Variants in NBAS observed in about 807,000 individuals in gnomAD.
The protein encoded by NBAS is NAG/BC035112 fusion.
Under a neutral mutation model 302.5 loss-of-function variants are expected in NBAS, and 219 were observed. The observed-to-expected ratio is 0.72, with a 90% CI of 0.65 to 0.81. The LOEUF is 0.81. Among genes scored for constraint, NBAS ranks in the 30% least tolerant of loss-of-function variants. NBAS has a pLI of 0.00. For missense variants in NBAS, 2,932 were observed against 2,841.6 expected, an observed-to-expected ratio of 1.03 and a Z score of -0.72; for synonymous variants, 1,118 against 1,021.6, an observed-to-expected ratio of 1.09 and a Z score of -1.80.
At chr2:15,237,519 T>C (rs1006622774) in intron 45 of NBAS, among the ~76,000 whole-genome samples, 11 of 151,872 alleles carry the variant, frequency 7.2e-5, no homozygotes, top group African/African-American at 2.7e-4. Flanking sequence ...AGGCTATTTC[T>C]GATTTTTTTT....
At chr2:15,228,478 C>T (rs986617715) in intron 47 of NBAS, among the ~76,000 whole-genome samples, 8 of 152,166 alleles carry the variant, frequency 5.3e-5, no homozygotes, top group East Asian at 3.8e-4. Flanking sequence ...GCAGCAATCC[C>T]GTTACTGAGT....
the NBAS span, among the ~76,000 whole-genome samples, chr2:15,042,582 G>A: frequency 6.6e-6 from 1 of 152,208 alleles, no homozygotes; most frequent in Non-Finnish European, 1.5e-5. Context: ...TCTTCTGAGG[G>A]ATGACCCAGA....
rs1054526679 is a variant in NBAS at position 15,438,452 on chromosome 2, T to C, written c.2340-10658A>G. ...AGAGAACTTCTGCTTTGAACAACAA[T>C]GAAGTATGGAGTAACAGGAACAGTA... On this transcript the variant is annotated intron_variant, in intron 21 of 51. Coordinates refer to ENST00000281513, the MANE Select transcript of NBAS (RefSeq NM_015909.4). Among the ~76,000 whole-genome samples, 8 of 152,144 alleles carry C rather than the reference T, an allele frequency of 5.3e-5. No individual in the cohort carries two copies. In the East Asian group the frequency reaches 1.4e-3, roughly 26 times the overall value.
intron 44 of NBAS, among the ~76,000 whole-genome samples, chr2:15,265,422 G>C (rs998828258): frequency 6.6e-6 from 1 of 152,092 alleles, no homozygotes. Flanking sequence ...AAATGAGCTA[G>C]GGTATAGGAA....
the NBAS span, among the ~76,000 whole-genome samples, chr2:15,121,592 T>C: frequency 2.0e-5 from 3 of 152,212 alleles, no homozygotes; most frequent in Non-Finnish European, 2.9e-5. Context: ...CATTCATCAC[T>C]AACTGAAATT....
intron 41 of NBAS, among the ~76,000 whole-genome samples, chr2:15,287,972 T>C (rs1670130146): frequency 6.6e-6 from 1 of 151,822 alleles, no homozygotes. Flanking sequence ...GCACCGTGCG[T>C]AGGCAGCCCC....
At chr2:15,321,740 CA>C in intron 38 of NBAS, among the ~76,000 whole-genome samples, 1 of 152,254 alleles carries the variant, frequency 6.6e-6, no homozygotes, top group South Asian at 2.1e-4. Flanking sequence ...AGTCAGGAAA[CA>C]GATGCTAGAG....
chr2:14,848,202 C>A, the NBAS span, among the ~76,000 whole-genome samples: 1 of 151,382 alleles, frequency 6.6e-6, no homozygotes, highest in African/African-American at 2.4e-5. Flanking sequence ...AGAGAGTGGG[C>A]GCAGGACAGT....
chr2:15,151,834 C>T, the NBAS span, among the ~76,000 whole-genome samples: 1 of 152,212 alleles, frequency 6.6e-6, no homozygotes, highest in East Asian at 1.9e-4. Context: ...GCTGTATCCA[C>T]TCAAGAGTCT....
At chr2:15,481,181 A>G (rs555415934) in intron 12 of NBAS, among the ~76,000 whole-genome samples, 1 of 152,316 alleles carries the variant, frequency 6.6e-6, no homozygotes, top group Admixed American at 6.5e-5. Context: ...TGGATGAGTC[A>G]TATTCTATTG....
chr2:15,545,458 A>C (rs1664065677), intron 6 of NBAS, among the ~76,000 whole-genome samples: 1 of 152,204 alleles, frequency 6.6e-6, no homozygotes, highest in Admixed American at 6.5e-5. Flanking sequence ...ACCAAGTACA[A>C]ATCTCAAAAC....
In NBAS at chr2:15,249,032, T is replaced by C. The variant is rs527602771; in HGVS notation, c.5725-10346A>G. On this transcript the variant is annotated intron_variant, in intron 44 of 51. Transcript: ENST00000281513. ...CAACAAAAAGAAAATTTCAGGCCAA[T>C]ATCCCTGATGAACATCGATGCAAAA... is the stretch of plus-strand genomic sequence containing the variant. Among the ~76,000 whole-genome samples, 175 of 152,216 alleles carry C rather than the reference T, an allele frequency of 1.1e-3. 1 individual carries two copies. Among genetic ancestry groups the C allele is most frequent in the Non-Finnish European group, 2.6e-4 (18 of 68,012 alleles).
chr2:15,361,963 G>A (rs1390099783), intron 32 of NBAS, among the ~76,000 whole-genome samples: 1 of 150,974 alleles, frequency 6.6e-6, no homozygotes, highest in Non-Finnish European at 1.5e-5. Context: ...CCGAGAAACA[G>A]GAGTGAAACT....
intron 35 of NBAS, among the ~76,000 whole-genome samples, chr2:15,336,215 C>G (rs1401990302): frequency 6.6e-6 from 1 of 152,172 alleles, no homozygotes; most frequent in Non-Finnish European, 1.5e-5. Flanking sequence ...TCTACCCACT[C>G]AAATATTACA....
At chr2:14,809,343 G>A in the NBAS span, among the ~76,000 whole-genome samples, 1 of 152,174 alleles carries the variant, frequency 6.6e-6, no homozygotes, top group Non-Finnish European at 1.5e-5. Context: ...TGTGGGTTGG[G>A]CCCAAGATCC....
chr2:14,835,116 A>G, the NBAS span, among the ~76,000 whole-genome samples: 6 of 152,062 alleles, frequency 3.9e-5, no homozygotes, highest in African/African-American at 1.4e-4. Flanking sequence ...GACCAAGTCA[A>G]TGATGGTAGC....
the NBAS span, among the ~76,000 whole-genome samples, chr2:15,027,180 T>C: frequency 1.3e-5 from 2 of 152,120 alleles, no homozygotes; most frequent in African/African-American, 4.8e-5. Context: ...TAATATTAAT[T>C]TAGAGTGATA....
chr2:15,388,076 A>G (rs1240974122), intron 28 of NBAS, among the ~76,000 whole-genome samples: 1 of 152,238 alleles, frequency 6.6e-6, no homozygotes, highest in Admixed American at 6.5e-5. Context: ...TTTATGGGGA[A>G]TGCAGGAAAA....
chr2:15,531,287 G>A (rs1044170923), intron 9 of NBAS, among the ~76,000 whole-genome samples: 3 of 152,166 alleles, frequency 2.0e-5, no homozygotes, highest in African/African-American at 4.8e-5. Flanking sequence ...CTGGATAACG[G>A]TGAAGTGAAA....
Sources: allele counts gnomAD v4.1 joint callset (sites outside exome capture counted in the v4.1 genomes callset), GRCh38; gene constraint gnomAD v4.1.1; transcripts MANE v1.5; gene names NCBI Gene and HGNC (gene_info 2026-07-23, HGNC 2026-07-21).